Variants in GJB7 observed in about 807,000 individuals in gnomAD.
GJB7 encodes the protein gap junction beta-7 protein.
For synonymous variants in GJB7, 87 were observed against 95.2 expected, an observed-to-expected ratio of 0.91 and a Z score of 0.50; for missense variants, 253 against 256.8, an observed-to-expected ratio of 0.99 and a Z score of 0.10.
chr6:87,305,663 T>C (rs1025198875), intron 2 of GJB7, among the ~76,000 whole-genome samples: 2 of 152,146 alleles, frequency 1.3e-5, no homozygotes, highest in Non-Finnish European at 2.9e-5. Context: ...CTTCACAGAA[T>C]TGGAAAAAGC....
rs1000357826 is a variant in GJB7 at position 87,284,788 on chromosome 6, T to A, written c.125A>T (p.His42Leu). 1.2e-6 allele frequency: 2 copies of A among 1,614,120 alleles called. No individual in the cohort carries two copies. Among genetic ancestry groups the A allele is most frequent in the Non-Finnish European group, 1.7e-6 (2 of 1,180,022 alleles). Residue 42 changes from histidine to leucine, a missense_variant, in exon 3 of 3, where the codon CAC (histidine) becomes CTC (leucine). Coordinates refer to ENST00000525899, the MANE Select transcript of GJB7 (RefSeq NM_198568.3). ...RLLVYMVAAE[H>L]VWKDEQKEFE... Reference sequence around the variant, plus strand: ...CTCTTTCTGCTCATCTTTCCACACGTGCTCTGCTGCCACCATGTAGACCAG... The same window carrying A: ...CTCTTTCTGCTCATCTTTCCACACGAGCTCTGCTGCCACCATGTAGACCAG...
At chr6:87,301,826 C>T (rs772519976) in intron 2 of GJB7, among the ~76,000 whole-genome samples, 29 of 152,312 alleles carry the variant, frequency 1.9e-4, no homozygotes, top group East Asian at 5.8e-4. Flanking sequence ...CCCTCTGAGA[C>T]GAAGCTTCCA....
chr6:87,291,109 G>GA (rs1359781906), intron 2 of GJB7, among the ~76,000 whole-genome samples: 2 of 152,166 alleles, frequency 1.3e-5, no homozygotes, highest in Non-Finnish European at 2.9e-5. Context: ...TAGCTTCAAA[G>GA]AATCAGGCTT....
intron 2 of GJB7, among the ~76,000 whole-genome samples, chr6:87,301,927 G>A (rs996363412): frequency 6.6e-6 from 1 of 152,232 alleles, no homozygotes; most frequent in Non-Finnish European, 1.5e-5. Context: ...AGGGTCAGGA[G>A]TGGATCTCCA....
At chr6:87,317,045 TG>T (rs1196019321) in intron 2 of GJB7, among the ~76,000 whole-genome samples, 1 of 152,104 alleles carries the variant, frequency 6.6e-6, no homozygotes, top group Non-Finnish European at 1.5e-5. Flanking sequence ...TAGAATCTTG[TG>T]CAAATCACTT....
intron 1 of GJB7, among the ~76,000 whole-genome samples, chr6:87,323,691 T>C (rs1270388873): frequency 6.6e-6 from 1 of 152,146 alleles, no homozygotes; most frequent in Non-Finnish European, 1.5e-5. Context: ...ACATTTGGGT[T>C]GGTTCCAGGT....
At chr6:87,326,438 A>G (rs1256228384) in intron 1 of GJB7, among the ~76,000 whole-genome samples, 1 of 151,872 alleles carries the variant, frequency 6.6e-6, no homozygotes, top group East Asian at 1.9e-4. Flanking sequence ...GCTGCTTTGA[A>G]TGCATCCCAG....
rs545273201 is a variant in GJB7 at position 87,317,515 on chromosome 6, C to T, written c.-28+5351G>A. Among the ~76,000 whole-genome samples, 8 of 151,680 alleles carry T rather than the reference C, an allele frequency of 5.3e-5. No individual in the cohort carries two copies. The South Asian group carries it at 8.3e-4, about 16-fold the overall frequency. On this transcript the variant is annotated intron_variant, in intron 2 of 2. Coordinates refer to ENST00000525899, the MANE Select transcript of GJB7 (RefSeq NM_198568.3). Reference sequence around the variant, plus strand: ...CGTGATCTCAGCTCACTGCAACCTCCGCCTCCCGGGTTCAAGCAATTCTCC... The same window carrying T: ...CGTGATCTCAGCTCACTGCAACCTCTGCCTCCCGGGTTCAAGCAATTCTCC...
chr6:87,317,836 T>C (rs1017328657), intron 2 of GJB7, among the ~76,000 whole-genome samples: 1 of 152,170 alleles, frequency 6.6e-6, no homozygotes, highest in African/African-American at 2.4e-5. Context: ...CACCAAAAAT[T>C]TTCCTGCTAA....
chr6:87,284,855 T>C lies in GJB7; in HGVS notation c.58A>G (p.Thr20Ala), dbSNP rs1006760346. The change falls in exon 3 of 3, where the codon ACT (threonine) becomes GCT (alanine). Residue 20 changes from threonine (T) to alanine (A), a missense_variant. Thr to Ala is a moderately conservative substitution (Grantham distance 58). Coordinates refer to ENST00000525899, the MANE Select transcript of GJB7 (RefSeq NM_198568.3). ...ACGACAGCCAGCCAAATCCATCCAGTCCCAGTGGAGTATTTATTTACTCCA... is the reference window on the plus strand; with the variant it reads ...ACGACAGCCAGCCAAATCCATCCAGCCCCAGTGGAGTATTTATTTACTCCA... Reference protein sequence around the residue: ...LSGVNKYSTGTGWIWLAVVFV... With the variant: ...LSGVNKYSTGAGWIWLAVVFV... The C allele has an allele frequency of 1.9e-6, 3 of 1,613,892 alleles. No individual in the cohort carries two copies. Among genetic ancestry groups the C allele is most frequent in the Non-Finnish European group, 2.5e-6 (3 of 1,179,952 alleles).
At position 87,284,352 on chromosome 6, in the gene GJB7, T is replaced by C. The variant is rs1354204844; in HGVS notation, c.561A>G (p.Ser187=). Residue 187 remains serine, a synonymous_variant, in exon 3 of 3, where the codon TCA becomes TCG. Coordinates refer to ENST00000525899, the MANE Select transcript of GJB7 (RefSeq NM_198568.3). ...TGAAATTCAACACAATACACAAGCA[T>C]GAGGTGATGACCAAGAAGAGGATGA... ...TIFILFLVIT[S]CLCIVLNFIE... is the part of the protein sequence containing the mutation. The C allele has an allele frequency of 6.2e-7, 1 of 1,614,060 alleles. No homozygotes were observed. The highest frequency in any genetic ancestry group is 8.5e-7 in the Non-Finnish European group (1 of 1,179,966).
intron 1 of GJB7, among the ~76,000 whole-genome samples, chr6:87,324,700 G>C (rs1459010335): frequency 5.3e-5 from 8 of 151,716 alleles, no homozygotes; most frequent in Non-Finnish European, 1.2e-4. Flanking sequence ...AAGTCAGGTA[G>C]TGTGATACCT....
At chr6:87,298,351 A>G (rs977059001) in intron 2 of GJB7, among the ~76,000 whole-genome samples, 1 of 152,136 alleles carries the variant, frequency 6.6e-6, no homozygotes, top group East Asian at 1.9e-4. Context: ...GAAGTGGAGA[A>G]CCAAGAGGAA....
intron 2 of GJB7, among the ~76,000 whole-genome samples, chr6:87,303,306 C>G (rs529379235): frequency 4.0e-5 from 6 of 151,738 alleles, no homozygotes; most frequent in South Asian, 2.1e-4. Flanking sequence ...GACACACATA[C>G]GCTCAAAATA....
rs532925901 is a variant in GJB7 at position 87,320,375 on chromosome 6, C to T, written c.-28+2491G>A. ...GGCTTGGGAGAAAAAGTTTTAAATT[C>T]GAAACATATTTACCAAAGCTTTACA... On this transcript the variant is annotated intron_variant, in intron 2 of 2. Transcript: ENST00000525899. 2.2e-3 allele frequency among the ~76,000 whole-genome samples: 330 copies of T among 152,168 alleles called. 2 individuals are homozygous for T. Among genetic ancestry groups the T allele is most frequent in the South Asian group, 4.2e-3 (20 of 4,818 alleles).
intron 2 of GJB7, among the ~76,000 whole-genome samples, chr6:87,308,882 T>C (rs1776472655): frequency 6.6e-6 from 1 of 152,080 alleles, no homozygotes; most frequent in Non-Finnish European, 1.5e-5. Flanking sequence ...TGTAATGACA[T>C]ATATGACGTG....
chr6:87,284,855 T>A lies in GJB7; in HGVS notation c.58A>T (p.Thr20Ser). The change falls in exon 3 of 3, where the codon ACT becomes TCT. Residue 20 changes from threonine (T) to serine (S), a missense_variant. By Grantham distance (58) the Thr-to-Ser change is moderately conservative. Transcript: ENST00000525899. ...LSGVNKYSTG[T>S]GWIWLAVVFV... is the part of the protein sequence containing the mutation. ...ACGACAGCCAGCCAAATCCATCCAG[T>A]CCCAGTGGAGTATTTATTTACTCCA... 6.2e-7 allele frequency: 1 copy of A among 1,613,892 alleles called. No individual in the cohort carries two copies. The highest frequency in any genetic ancestry group is 8.5e-7 in the Non-Finnish European group (1 of 1,179,952).
intron 2 of GJB7, among the ~76,000 whole-genome samples, chr6:87,303,036 TG>T (rs1776361708): frequency 6.6e-6 from 1 of 152,104 alleles, no homozygotes; most frequent in East Asian, 1.9e-4. Context: ...GCACTAAACA[TG>T]GAAAGGAACA....
chr6:87,292,940 G>A (rs1192707592), intron 2 of GJB7, among the ~76,000 whole-genome samples: 2 of 152,188 alleles, frequency 1.3e-5, no homozygotes, highest in Non-Finnish European at 2.9e-5. Context: ...GTTCTCTCTG[G>A]TTGCTCTTCA....
Sources: allele counts gnomAD v4.1 joint callset (sites outside exome capture counted in the v4.1 genomes callset), GRCh38; gene constraint gnomAD v4.1.1; transcripts MANE v1.5; gene names NCBI Gene and HGNC (gene_info 2026-07-23, HGNC 2026-07-21).